The following SMTNL1 variants were observed in gnomAD, a reference collection of about 807,000 sequenced individuals.
SMTNL1 encodes the protein smoothelin like 1, also known as smoothelin-like protein 1.
In SMTNL1, 41 loss-of-function variants were observed where a neutral mutation model predicts 46.6. The observed-to-expected ratio is 0.88, with a 90% CI of 0.69 to 1.14. The LOEUF (loss-of-function observed/expected upper bound fraction) is 1.14. Among genes scored for constraint, SMTNL1 ranks in the 50% most tolerant of loss-of-function variants. SMTNL1 has a pLI of 0.00. For missense variants in SMTNL1, 591 were observed against 626.1 expected (o/e 0.94, Z 0.60); for synonymous variants, 234 against 234.2 (o/e 1.00, Z 0.01).
chr11:57,545,758 G>A, intron 4 of SMTNL1, 123 bp from the exon 5 acceptor site: 3 of 929,274 alleles, frequency 3.2e-6, no homozygotes, highest in South Asian at 1.7e-5. Flanking sequence ...CCAGTGCTGG[G>A]CACAGCTGCA....
rs544384203 is a variant in SMTNL1, at chr11:57,544,994, G to A, written c.918-887G>A. Among the ~76,000 whole-genome samples the A allele has an allele frequency of 5.9e-5, 9 of 152,040 alleles. No homozygotes were observed. In the East Asian group the frequency reaches 9.8e-4, roughly 17 times the overall value. Reference sequence around the variant, plus strand: ...TGGGATTATATGTGCGCGCCACCACGCCTGGCTAATTTTTGTATTTTTACT... The same window carrying A: ...TGGGATTATATGTGCGCGCCACCACACCTGGCTAATTTTTGTATTTTTACT... On this transcript the variant is annotated intron_variant, in intron 4 of 7. Coordinates refer to ENST00000527972, the MANE Select transcript of SMTNL1 (RefSeq NM_001105565.3).
intron 1 of SMTNL1, among the ~76,000 whole-genome samples, chr11:57,539,410 A>C (rs1944856357): frequency 6.6e-6 from 1 of 152,178 alleles, no homozygotes; most frequent in East Asian, 1.9e-4. Flanking sequence ...AAATAGTGTC[A>C]TACTTTGAGG....
At chr11:57,549,028 T>C (rs1235439717) in intron 7 of SMTNL1, among the ~76,000 whole-genome samples, 1 of 148,198 alleles carries the variant, frequency 6.7e-6, no homozygotes, top group African/African-American at 2.5e-5. Flanking sequence ...CTTTTTTTTT[T>C]CTTTTTTTTT....
chr11:57,541,730 A>G (rs977643085), intron 1 of SMTNL1, among the ~76,000 whole-genome samples: 1 of 152,154 alleles, frequency 6.6e-6, no homozygotes. Context: ...TGCACTGCCT[A>G]TATTCCAGTT....
intron 4 of SMTNL1, among the ~76,000 whole-genome samples, chr11:57,544,530 A>G (rs1202665857): frequency 6.6e-6 from 1 of 152,220 alleles, no homozygotes; most frequent in Non-Finnish European, 1.5e-5. Flanking sequence ...ACATGTTTCC[A>G]TGGTGCCAGT....
At chr11:57,545,801 TCCAG>T in intron 4 of SMTNL1, 76 bp from the exon 5 acceptor site, 1 of 523,550 alleles carries the variant, frequency 1.9e-6, no homozygotes, top group Non-Finnish European at 3.4e-6. Flanking sequence ...CCACCCACCC[TCCAG>T]CCCCACAGCC....
intron 1 of SMTNL1, chr11:57,541,444 TC>T: frequency 7.5e-7 from 1 of 1,329,196 alleles, no homozygotes; most frequent in South Asian, 1.2e-5. Context: ...TTTTTGTAGA[TC>T]CTCCAGTATA....
At chr11:57,542,107 AAAAAAAACACACACACAC>A (rs1944882225) in intron 1 of SMTNL1, among the ~76,000 whole-genome samples, 1 of 33,248 alleles carries the variant, frequency 3.0e-5, no homozygotes, top group African/African-American at 8.9e-5. Context: ...ATCTCTACAA[AAAAAAAACACACACACAC>A]ACACACACAC....
At position 57,550,233 on chromosome 11, in the gene SMTNL1, C is replaced by T. The variant is rs1006284954; in HGVS notation, c.*121C>T. 47 of 1,105,500 alleles carry T rather than the reference C, an allele frequency of 4.3e-5. No individual in the cohort carries two copies. In the African/African-American group the frequency reaches 6.3e-4, roughly 15 times the overall value. 68.5% of individuals were successfully genotyped at this position (1,105,500 alleles called of 1,614,324 possible). ...CAGGGGCTTAGGCAAGGGTGTGTGG[C>T]GTTGGTTTTAACTGCATTAAAAGTA... On this transcript the variant is annotated 3_prime_UTR_variant, in exon 8 of 8. Transcript: ENST00000527972.
intron 1 of SMTNL1, among the ~76,000 whole-genome samples, 154 bp downstream of exon 1, chr11:57,537,796 T>C (rs888575780): frequency 1.3e-5 from 2 of 152,192 alleles, no homozygotes; most frequent in African/African-American, 4.8e-5. Context: ...CTACTCTCTT[T>C]AGATGCCTGG....
intron 7 of SMTNL1, among the ~76,000 whole-genome samples, chr11:57,549,471 A>T (rs1362002580): frequency 6.6e-6 from 1 of 152,186 alleles, no homozygotes; most frequent in Non-Finnish European, 1.5e-5. Context: ...AGTGCAATGA[A>T]AATGTGGGCT....
intron 1 of SMTNL1, among the ~76,000 whole-genome samples, chr11:57,538,182 C>T (rs1226139953): frequency 6.6e-6 from 1 of 152,118 alleles, no homozygotes; most frequent in Non-Finnish European, 1.5e-5. Context: ...TTGAGGTCGG[C>T]CTCTCCAAGG....
chr11:57,545,605 C>CAAA (rs67336706), intron 4 of SMTNL1, among the ~76,000 whole-genome samples: 4 of 140,736 alleles, frequency 2.8e-5, no homozygotes, highest in East Asian at 2.1e-4. Flanking sequence ...AGCTCTGTCT[C>CAAA]AAAAAAAAAA....
rs189810456 is a variant in SMTNL1, at chr11:57,543,050, G to A, written c.408G>A (p.Lys136=). The A allele has an allele frequency of 2.0e-5, 32 of 1,606,926 alleles. No individual in the cohort carries two copies. The African/African-American group carries it at 3.6e-4, about 18-fold the overall frequency. ...EEKESTLASE[K]QKAEEKEAKP... is the part of the protein sequence containing the mutation. ...AGGAGAGCACGCTGGCCTCTGAGAA[G>A]CAGAAGGCTGAGGAGAAAGAGGCCA... The change falls in exon 2 of 8, where the codon AAG becomes AAA. Residue 136 remains lysine, a synonymous_variant. Coordinates refer to ENST00000527972, the MANE Select transcript of SMTNL1 (RefSeq NM_001105565.3).
chr11:57,546,153 G>C (rs928541984), intron 5 of SMTNL1, 80 bp from the exon 6 acceptor site: 3 of 1,507,510 alleles, frequency 2.0e-6, no homozygotes, highest in Non-Finnish European at 1.8e-6. Flanking sequence ...CTGACACCTG[G>C]GGGCTGGGGA....
chr11:57,542,532 A>G, intron 1 of SMTNL1, 109 bp from the exon 2 acceptor site: 2 of 1,322,932 alleles, frequency 1.5e-6, no homozygotes, highest in Non-Finnish European at 2.0e-6. Flanking sequence ...GTAGGAGCCA[A>G]GACTGAACCA....
At chr11:57,547,626 G>T (rs1028868296) in intron 7 of SMTNL1, among the ~76,000 whole-genome samples, 2 of 152,376 alleles carry the variant, frequency 1.3e-5, no homozygotes, top group South Asian at 4.1e-4. Flanking sequence ...GGAGTCCGGG[G>T]ATGAGGGGAG....
chr11:57,547,181 G>A (rs1198123115), intron 7 of SMTNL1, among the ~76,000 whole-genome samples: 13 of 152,164 alleles, frequency 8.5e-5, no homozygotes. Flanking sequence ...CTTGCAGTCT[G>A]GACTTACAGC....
At position 57,543,312 on chromosome 11, in the gene SMTNL1, G is replaced by C. The variant is rs770398482; in HGVS notation, c.670G>C (p.Ala224Pro). 2 of 1,613,896 alleles carry C rather than the reference G, an allele frequency of 1.2e-6. No individual in the cohort carries two copies. The highest frequency in any genetic ancestry group is 2.7e-5 in the African/African-American group (2 of 74,942). Residue 224 changes from alanine (A) to proline (P), a missense_variant, in exon 2 of 8, where the codon GCC (alanine) becomes CCC (proline). Transcript: ENST00000527972. ...CAAGGAGCCCGATGGGAAAGAGGAG[G>C]CCAAACATGGTGCAAAAGAGGAGGC... ...EPKEPDGKEE[A>P]KHGAKEEADA...
Sources: gnomAD v4.1 joint callset for allele counts (sites outside exome capture counted in the v4.1 genomes callset) on GRCh38, gnomAD v4.1.1 for gene constraint, MANE v1.5 for transcripts, NCBI Gene and HGNC (gene_info 2026-07-23, HGNC 2026-07-21) for gene names.